The following RAD51B variants were observed in gnomAD, a reference collection of about 807,000 sequenced individuals.
RAD51B encodes RAD51 paralog B.
In RAD51B, 38 loss-of-function variants were observed where a neutral mutation model predicts 42.2. The ratio of observed to expected loss-of-function variants is 0.90; its 90% confidence interval spans 0.70 to 1.18. The LOEUF is 1.18. Ranked by LOEUF, RAD51B falls within the 50% of genes most tolerant of loss-of-function variation. The probability of loss-of-function intolerance (pLI) is 0.00; values close to 1 mark genes in which losing one functional copy is unlikely to be tolerated. For synonymous variants in RAD51B, 154 were observed against 145.2 expected, an observed-to-expected ratio of 1.06 and a Z score of -0.43; for missense variants, 373 against 400.7, an observed-to-expected ratio of 0.93 and a Z score of 0.59.
At chr14:68,345,804 G>A in intron 8 of RAD51B, among the ~76,000 whole-genome samples, 1 of 152,168 alleles carries the variant, frequency 6.6e-6, no homozygotes, top group Admixed American at 6.5e-5. Flanking sequence ...GGGATTACAG[G>A]AGTGTGCTAC....
intron 7 of RAD51B, among the ~76,000 whole-genome samples, chr14:68,003,441 G>A (rs2075523145): frequency 6.6e-6 from 1 of 152,110 alleles, no homozygotes; most frequent in Non-Finnish European, 1.5e-5. Context: ...GTGTTTTCTA[G>A]GTATAGGATC....
At chr14:68,109,967 G>A (rs1322317110) in intron 7 of RAD51B, among the ~76,000 whole-genome samples, 1 of 151,890 alleles carries the variant, frequency 6.6e-6, no homozygotes, top group Non-Finnish European at 1.5e-5. Context: ...AACATAGAAA[G>A]ATCACACAGA....
At chr14:68,035,951 C>A (rs956214315) in intron 7 of RAD51B, among the ~76,000 whole-genome samples, 2 of 152,132 alleles carry the variant, frequency 1.3e-5, no homozygotes, top group African/African-American at 2.4e-5. Flanking sequence ...TTGATATGAT[C>A]TAGATGGCAG....
At chr14:68,590,186 A>G (rs1401943194) in intron 10 of RAD51B, among the ~76,000 whole-genome samples, 1 of 152,128 alleles carries the variant, frequency 6.6e-6, no homozygotes, top group African/African-American at 2.4e-5. Flanking sequence ...GTAGAGCCTC[A>G]GTAACTCACC....
intron 7 of RAD51B, among the ~76,000 whole-genome samples, chr14:67,970,945 T>C (rs2140250005): frequency 6.6e-6 from 1 of 152,262 alleles, no homozygotes; most frequent in East Asian, 1.9e-4. Context: ...AAACTAACAG[T>C]TGATTGCCTC....
chr14:68,274,077 T>C (rs1451599626), intron 7 of RAD51B, among the ~76,000 whole-genome samples: 1 of 152,190 alleles, frequency 6.6e-6, no homozygotes, highest in Non-Finnish European at 1.5e-5. Context: ...CTCTTGTTGA[T>C]TCTACTAGTG....
At chr14:68,563,044 C>T (rs948455498) in intron 10 of RAD51B, 18 of 985,464 alleles carry the variant, frequency 1.8e-5, no homozygotes, top group East Asian at 1.1e-4. Context: ...TCACCCTGGC[C>T]GCTTCTCTAG....
chr14:68,454,465 T>C (rs1270189064), intron 9 of RAD51B, among the ~76,000 whole-genome samples: 1 of 152,226 alleles, frequency 6.6e-6, no homozygotes, highest in Non-Finnish European at 1.5e-5. Flanking sequence ...CAGCAAGACT[T>C]GTGGAATTTT....
chr14:67,862,159 A>G (rs1400119174), intron 4 of RAD51B, among the ~76,000 whole-genome samples: 1 of 152,146 alleles, frequency 6.6e-6, no homozygotes, highest in Non-Finnish European at 1.5e-5. Context: ...AAAGATAAGT[A>G]TATGAAGTGA....
chr14:68,537,933 G>T (rs1293639443), intron 10 of RAD51B, among the ~76,000 whole-genome samples: 1 of 152,106 alleles, frequency 6.6e-6, no homozygotes, highest in African/African-American at 2.4e-5. Flanking sequence ...TTTACCCAAG[G>T]TCATGTAGCT....
intron 7 of RAD51B, among the ~76,000 whole-genome samples, chr14:67,909,662 T>A (rs1363870902): frequency 6.6e-6 from 1 of 151,938 alleles, no homozygotes; most frequent in East Asian, 1.9e-4. Context: ...ATGTAAAAAA[T>A]TATATACTTT....
chr14:68,167,641 C>T (rs1260034510), intron 7 of RAD51B, among the ~76,000 whole-genome samples: 1 of 151,986 alleles, frequency 6.6e-6, no homozygotes, highest in Non-Finnish European at 1.5e-5. Flanking sequence ...TTTTAAAGTA[C>T]TCAGATTAAG....
Position 68,653,816 on chromosome 14 carries a change from G to A in RAD51B, c.*11+2960G>A, listed in dbSNP as rs148394997. Among the ~76,000 whole-genome samples the A allele has an allele frequency of 3.6e-3, 556 of 152,374 alleles. 4 individuals are homozygous for A. The highest frequency in any genetic ancestry group is 3.7e-3 in the South Asian group (18 of 4,832). On this transcript the variant is annotated intron_variant, in intron 11 of 11. Transcript: ENST00000488612. Reference sequence around the variant, plus strand: ...TGAAGGATGGGTGCAATTTTTCCACGTAGAGACTATGCTGGAGAGAGGATA... The same window carrying A: ...TGAAGGATGGGTGCAATTTTTCCACATAGAGACTATGCTGGAGAGAGGATA...
chr14:68,564,086 C>T (rs1889297500), intron 10 of RAD51B, among the ~76,000 whole-genome samples: 1 of 152,204 alleles, frequency 6.6e-6, no homozygotes, highest in African/African-American at 2.4e-5. Context: ...ATAGCATTTG[C>T]TCTGCCCGGT....
intron 6 of RAD51B, 21 bp downstream of exon 6, chr14:67,886,009 A>AT: frequency 6.5e-7 from 1 of 1,527,692 alleles, no homozygotes; most frequent in Non-Finnish European, 8.9e-7. Context: ...TTAGATTTTG[A>AT]TTTTTTAGTA....
intron 7 of RAD51B, among the ~76,000 whole-genome samples, chr14:68,117,972 A>G (rs962655650): frequency 2.0e-5 from 3 of 152,216 alleles, no homozygotes; most frequent in Admixed American, 6.5e-5. Flanking sequence ...TTTTAAATCA[A>G]CCCCTCCCCT....
At chr14:68,005,875 G>T (rs768021644) in intron 7 of RAD51B, among the ~76,000 whole-genome samples, 67 of 152,154 alleles carry the variant, frequency 4.4e-4, no homozygotes, top group Non-Finnish European at 8.5e-4. Flanking sequence ...AAGAAACTTT[G>T]AATCATGGCA....
chr14:68,597,690 G>C (rs1335259923), downstream of RAD51B, among the ~76,000 whole-genome samples: 1 of 151,928 alleles, frequency 6.6e-6, no homozygotes, highest in Non-Finnish European at 1.5e-5. Context: ...ATAACTATTG[G>C]GTACTGGGCT....
At chr14:67,828,600 G>A (rs1008210528) in intron 3 of RAD51B, among the ~76,000 whole-genome samples, 1 of 151,486 alleles carries the variant, frequency 6.6e-6, no homozygotes, top group African/African-American at 2.4e-5. Context: ...TCAAGGTTTT[G>A]TTTTTTTTCC....
Sources: gnomAD v4.1 joint callset for allele counts (sites outside exome capture counted in the v4.1 genomes callset) on GRCh38, gnomAD v4.1.1 for gene constraint, MANE v1.5 for transcripts, NCBI Gene and HGNC (gene_info 2026-07-23, HGNC 2026-07-21) for gene names.